Variants in COL12A1 observed in about 807,000 individuals in gnomAD.
The protein encoded by COL12A1 is collagen alpha-1(XII) chain.
COL12A1 carries 114 observed loss-of-function variants against 349.7 expected under a neutral mutation model. The ratio of observed to expected loss-of-function variants is 0.33; its 90% CI spans 0.28 to 0.38. The LOEUF is 0.38. COL12A1 is among the 10% of genes least tolerant of loss of function. The pLI is 1.00. For missense variants in COL12A1, 3,284 were observed against 3,756.9 expected (o/e 0.87, Z 3.29); for synonymous variants, 1,369 against 1,329.0 (o/e 1.03, Z -0.66).
At chr6:75,141,980 A>T in intron 27 of COL12A1, 52 bp downstream of exon 27, 2 of 1,605,732 alleles carry the variant, frequency 1.2e-6, no homozygotes, top group Non-Finnish European at 1.7e-6. Context: ...TGTGTTACAC[A>T]TGCATGTAAA....
intron 50 of COL12A1, 88 bp from the exon 51 acceptor site, chr6:75,113,401 T>A (rs2149358380): frequency 9.8e-7 from 1 of 1,019,788 alleles, no homozygotes; most frequent in Non-Finnish European, 1.4e-6. Flanking sequence ...TTGGAGAGAT[T>A]TCTTTAAAAA....
chr6:75,125,825 C>T (rs1181412098), intron 39 of COL12A1, among the ~76,000 whole-genome samples: 1 of 151,692 alleles, frequency 6.6e-6, no homozygotes, highest in Non-Finnish European at 1.5e-5. Context: ...TGGAAGATGC[C>T]CTAAGAAATC....
At chr6:75,199,096 T>G (rs1770388515) in intron 2 of COL12A1, among the ~76,000 whole-genome samples, 1 of 152,224 alleles carries the variant, frequency 6.6e-6, no homozygotes, top group African/African-American at 2.4e-5. Context: ...TACAGATTAT[T>G]TTGTACACAT....
chr6:75,103,339 G>T (rs561643013), intron 55 of COL12A1, among the ~76,000 whole-genome samples: 1 of 152,134 alleles, frequency 6.6e-6, no homozygotes, highest in Non-Finnish European at 1.5e-5. Context: ...GGCAGAAGGG[G>T]CAGGTGACCC....
At chr6:75,100,300 G>A (rs1418910728) in intron 58 of COL12A1, among the ~76,000 whole-genome samples, 1 of 152,162 alleles carries the variant, frequency 6.6e-6, no homozygotes, top group East Asian at 1.9e-4. Flanking sequence ...AACCCGCTGT[G>A]TGTCTGCATG....
At chr6:75,170,798 C>T (rs1768587874) in intron 13 of COL12A1, among the ~76,000 whole-genome samples, 2 of 152,260 alleles carry the variant, frequency 1.3e-5, no homozygotes, top group African/African-American at 2.4e-5. Flanking sequence ...CTTTAAGGGG[C>T]CCATGTTACT....
intron 13 of COL12A1, among the ~76,000 whole-genome samples, chr6:75,168,042 G>A (rs1378552386): frequency 2.0e-5 from 3 of 152,112 alleles, no homozygotes; most frequent in Non-Finnish European, 2.9e-5. Context: ...GTAAAGGCAG[G>A]CACTGTCACT....
intron 58 of COL12A1, among the ~76,000 whole-genome samples, chr6:75,100,247 G>C (rs1261683851): frequency 6.6e-6 from 1 of 152,122 alleles, no homozygotes; most frequent in African/African-American, 2.4e-5. Flanking sequence ...GGCTGTCTGA[G>C]CACCAGTCCA....
In COL12A1 at chr6:75,113,678, T is replaced by C; in HGVS notation, c.7764A>G (p.Glu2588=). The change falls in exon 50 of 66, where the codon GAA becomes GAG. Residue 2588 remains glutamate (E), a synonymous_variant. Coordinates refer to ENST00000322507, the MANE Select transcript of COL12A1 (RefSeq NM_004370.6). ...AAATTGCAAAAGGGTCACTGGGAGT[T>C]TCTGGGAGAAGTCTGAATAATAATA... is the stretch of plus-strand genomic sequence containing the variant. ...TIILLFRLLP[E]TPSDPFAIWQ... The C allele has an allele frequency of 6.2e-7, 1 of 1,606,730 alleles. No homozygotes were observed. The highest frequency in any genetic ancestry group is 8.5e-7 in the Non-Finnish European group (1 of 1,175,142).
chr6:75,104,993 A>C (rs1365962530), intron 54 of COL12A1, among the ~76,000 whole-genome samples: 2 of 152,222 alleles, frequency 1.3e-5, no homozygotes, highest in Non-Finnish European at 2.9e-5. Context: ...TGCACGGCTG[A>C]AGAAATATGT....
rs1244301771 is a variant in COL12A1 at position 75,183,109 on chromosome 6, T to C, written c.1832A>G (p.Glu611Gly). 3 of 1,614,130 alleles carry C rather than the reference T, an allele frequency of 1.9e-6. No individual in the cohort carries two copies. The South Asian group carries it at 3.3e-5, about 18-fold the overall frequency. The part of the protein sequence containing the change: ...DFDAFQRISF[E>G]LTQSICLRIE... Reference sequence around the variant, plus strand: ...TCTAAGGCAGATAGACTGTGTGAGTTCAAAAGATATCCTCTGAAAAGCATC... The same window carrying C: ...TCTAAGGCAGATAGACTGTGTGAGTCCAAAAGATATCCTCTGAAAAGCATC... Residue 611 changes from glutamate to glycine, a missense_variant, in exon 10 of 66, where the codon GAA (glutamate) becomes GGA (glycine). This residue lies in a region of COL12A1 where 2,601 missense variants were observed against 2,824.8 expected (regional missense o/e 0.92). Coordinates refer to ENST00000322507, the MANE Select transcript of COL12A1 (RefSeq NM_004370.6).
chr6:75,129,931 T>C (rs1483718456), intron 37 of COL12A1, among the ~76,000 whole-genome samples, 160 bp downstream of exon 37: 1 of 152,160 alleles, frequency 6.6e-6, no homozygotes, highest in Non-Finnish European at 1.5e-5. Flanking sequence ...AAAGACTAAG[T>C]AAGCACATTT....
At chr6:75,142,403 A>G (rs1227692424) in intron 26 of COL12A1, among the ~76,000 whole-genome samples, 5 of 152,172 alleles carry the variant, frequency 3.3e-5, no homozygotes, top group African/African-American at 7.2e-5. Context: ...CTGCCTATGT[A>G]TTCAAAAAAC....
chr6:75,151,773 T>C (rs983582531), intron 20 of COL12A1, 94 bp downstream of exon 20: 429 of 1,313,940 alleles, frequency 3.3e-4, no homozygotes, highest in Non-Finnish European at 4.1e-4. Context: ...AAATGGGTAT[T>C]TTTTTTCATG....
intron 36 of COL12A1, 133 bp downstream of exon 36, chr6:75,130,719 G>T: frequency 8.7e-7 from 1 of 1,152,608 alleles, no homozygotes; most frequent in Non-Finnish European, 1.2e-6. Flanking sequence ...TTTTCGCCTG[G>T]AATGTAAATG....
At chr6:75,143,025 A>T (rs947190356) in intron 26 of COL12A1, among the ~76,000 whole-genome samples, 2 of 152,228 alleles carry the variant, frequency 1.3e-5, no homozygotes, top group African/African-American at 4.8e-5. Flanking sequence ...CCAAGGGATG[A>T]TCTTTTTGAG....
At chr6:75,193,739 A>AT (rs1770076222) in intron 3 of COL12A1, among the ~76,000 whole-genome samples, 1 of 89,224 alleles carries the variant, frequency 1.1e-5, no homozygotes, top group Admixed American at 1.3e-4. Context: ...CCCACACCCC[A>AT]TGACAGGCCC....
chr6:75,162,715 T>C (rs1011357240), intron 14 of COL12A1, among the ~76,000 whole-genome samples: 1 of 152,060 alleles, frequency 6.6e-6, no homozygotes, highest in African/African-American at 2.4e-5. Context: ...ATCATCAGAG[T>C]GAACAGGCAA....
At chr6:75,147,835 G>A (rs563233666) in intron 22 of COL12A1, 31 bp from the exon 23 acceptor site, 38 of 1,607,276 alleles carry the variant, frequency 2.4e-5, no homozygotes, top group Admixed American at 1.0e-4. Flanking sequence ...GAGCAACAAC[G>A]TATGTATAAT....
Sources: allele counts gnomAD v4.1 joint callset (sites outside exome capture counted in the v4.1 genomes callset), GRCh38; gene constraint gnomAD v4.1.1; regional missense constraint gnomAD v4.1.1; transcripts MANE v1.5; gene names NCBI Gene and HGNC (gene_info 2026-07-23, HGNC 2026-07-21).